Variants in SORCS2 observed in about 807,000 individuals in gnomAD.
The protein encoded by SORCS2 is VPS10 domain-containing receptor SorCS2.
In SORCS2, 100 loss-of-function variants were observed where a neutral mutation model predicts 141.6. That is an observed-to-expected ratio of 0.71 (90% CI 0.60 to 0.83). The LOEUF is 0.83. SORCS2 is among the 40% of genes least tolerant of loss of function. The probability of loss-of-function intolerance (pLI) is 0.00; values close to 1 mark genes in which losing one functional copy is unlikely to be tolerated. For missense variants in SORCS2, 1,646 were observed against 1,560.2 expected, an observed-to-expected ratio of 1.05 and a Z score of -0.93; for synonymous variants, 789 against 676.9, an observed-to-expected ratio of 1.17 and a Z score of -2.57.
At position 7,727,888 on chromosome 4, in the gene SORCS2, A is replaced by G. The variant is rs149670874; in HGVS notation, c.2870-462A>G. 3.1e-3 allele frequency among the ~76,000 whole-genome samples: 466 copies of G among 152,314 alleles called. 4 individuals are homozygous for G. Among genetic ancestry groups the G allele is most frequent in the Middle Eastern group, 0.024 (7 of 294 alleles). ...AGAAGAAGACAGGGCCTCTGCTCTCAAGGGACTCTTAATCTGGTGGGAGGA... is the reference window on the plus strand; with the variant it reads ...AGAAGAAGACAGGGCCTCTGCTCTCGAGGGACTCTTAATCTGGTGGGAGGA... On this transcript the variant is annotated intron_variant, in intron 21 of 26. Coordinates refer to ENST00000507866, the MANE Select transcript of SORCS2 (RefSeq NM_020777.3).
At chr4:7,727,038 G>A (rs1489933430) in intron 21 of SORCS2, 135 bp downstream of exon 21, 4 of 1,150,100 alleles carry the variant, frequency 3.5e-6, no homozygotes, top group African/African-American at 3.2e-5. Flanking sequence ...GGGAGGGGCT[G>A]GATAAACAGA....
intron 10 of SORCS2, among the ~76,000 whole-genome samples, chr4:7,683,164 C>T (rs976210501): frequency 5.9e-5 from 9 of 152,376 alleles, no homozygotes; most frequent in African/African-American, 2.2e-4. Flanking sequence ...CCCAGATCTA[C>T]AGGTGGGCTC....
intron 1 of SORCS2, among the ~76,000 whole-genome samples, chr4:7,265,227 T>C (rs1270191364): frequency 6.6e-6 from 1 of 152,130 alleles, no homozygotes; most frequent in African/African-American, 2.4e-5. Context: ...GCACGATGGC[T>C]CATGTCTGTA....
chr4:7,371,778 G>A lies in SORCS2; in HGVS notation c.481-24510G>A, dbSNP rs545030376. On this transcript the variant is annotated intron_variant, in intron 1 of 26. Transcript: ENST00000507866. ...GGGAGCTGAGCTTTGGTGTCAGCTC[G>A]CTGTGGGTCCCTCAGTAGCTGCACG... Among the ~76,000 whole-genome samples, 12 of 152,308 alleles carry A rather than the reference G, an allele frequency of 7.9e-5. No individual in the cohort carries two copies. In the South Asian group the frequency reaches 2.1e-3, roughly 26 times the overall value.
At chr4:7,595,272 C>T (rs932995008) in intron 3 of SORCS2, among the ~76,000 whole-genome samples, 1 of 152,214 alleles carries the variant, frequency 6.6e-6, no homozygotes, top group Non-Finnish European at 1.5e-5. Flanking sequence ...CACATCCTCT[C>T]CAGCCGTGCC....
intron 3 of SORCS2, among the ~76,000 whole-genome samples, chr4:7,564,265 C>T (rs1033711811): frequency 2.8e-4 from 42 of 152,358 alleles, no homozygotes; most frequent in African/African-American, 8.4e-4. Flanking sequence ...TCTCCAGCCA[C>T]GCTGCCCCTG....
rs74756410 is a variant in SORCS2 at position 7,663,258 on chromosome 4, ATAAG to A, written c.953-1093_953-1090del. On this transcript the variant is annotated intron_variant, in intron 6 of 26. Coordinates refer to ENST00000507866, the MANE Select transcript of SORCS2 (RefSeq NM_020777.3). This position sits in a 1 kb window ranked among gnomAD's most constrained non-coding sequence, Gnocchi z 4.8. ...GAATAAGTGAGTGAGTGAAGAGTGA[ATAAG>A]TGAGTGAGTGAATGAATAAGTGAGT... Among the ~76,000 whole-genome samples, 2,449 of 151,388 alleles carry A rather than the reference ATAAG, an allele frequency of 0.016. 32 individuals are homozygous for A. Among genetic ancestry groups the A allele is most frequent in the Middle Eastern group, 0.041 (12 of 292 alleles).
chr4:7,579,355 C>A (rs1341262226), intron 3 of SORCS2, among the ~76,000 whole-genome samples: 2 of 152,088 alleles, frequency 1.3e-5, no homozygotes. Flanking sequence ...CCACACCCAC[C>A]CGTGTGTGTG....
chr4:7,348,920 C>T (rs1470375938), intron 1 of SORCS2, among the ~76,000 whole-genome samples: 5 of 152,168 alleles, frequency 3.3e-5, no homozygotes, highest in Admixed American at 1.3e-4. Flanking sequence ...ATCATGTGAG[C>T]GGCCTCACTT....
Position 7,531,670 on chromosome 4 carries a change from C to A in SORCS2, c.648+41C>A, listed in dbSNP as rs745758812. The A allele has an allele frequency of 1.8e-5, 29 of 1,574,566 alleles. No homozygotes were observed. The Admixed American group carries it at 4.9e-4, about 27-fold the overall frequency. ...GGGTGGCCGCCACTCTGGCTCTCGCCTTGTGCCGCTCACTCTGCAGAGCAA... is the reference window on the plus strand; with the variant it reads ...GGGTGGCCGCCACTCTGGCTCTCGCATTGTGCCGCTCACTCTGCAGAGCAA... On this transcript the variant is annotated intron_variant, in intron 3 of 26. Coordinates refer to ENST00000507866, the MANE Select transcript of SORCS2 (RefSeq NM_020777.3).
rs759412218 is a variant in SORCS2, at chr4:7,625,477, C to G, written c.649-12851C>G. On this transcript the variant is annotated intron_variant, in intron 3 of 26. Coordinates refer to ENST00000507866, the MANE Select transcript of SORCS2 (RefSeq NM_020777.3). ...AGTGCCTAGCACAGAGCCAGGCACA[C>G]AGTCACCGTCTCTCAACCCACTAGA... Among the ~76,000 whole-genome samples, 6 of 151,906 alleles carry G rather than the reference C, an allele frequency of 3.9e-5. No homozygotes were observed. The South Asian group carries it at 1.2e-3, about 32-fold the overall frequency.
chr4:7,197,938 G>C (rs983841395), intron 1 of SORCS2, among the ~76,000 whole-genome samples: 11 of 152,212 alleles, frequency 7.2e-5, no homozygotes, highest in African/African-American at 2.4e-4. Flanking sequence ...AAGGCTCATA[G>C]GTTTGTGGTG....
intron 11 of SORCS2, among the ~76,000 whole-genome samples, chr4:7,693,868 G>C (rs2108993455): frequency 1.3e-5 from 2 of 152,354 alleles, no homozygotes; most frequent in South Asian, 4.1e-4. Flanking sequence ...AAGCCCTTGG[G>C]CCTGGCTGAG....
At chr4:7,619,152 C>T (rs544840493) in intron 3 of SORCS2, among the ~76,000 whole-genome samples, 4 of 152,280 alleles carry the variant, frequency 2.6e-5, no homozygotes, top group South Asian at 2.1e-4. Context: ...GGGTCAGCTA[C>T]GAGGGTTCAT....
intron 10 of SORCS2, among the ~76,000 whole-genome samples, chr4:7,683,240 C>G (rs80279519): frequency 2.4e-5 from 2 of 81,984 alleles, no homozygotes; most frequent in Middle Eastern, 5.6e-3. Flanking sequence ...TGGCTGGGAT[C>G]AGCTGAGCGG....
intron 2 of SORCS2, among the ~76,000 whole-genome samples, chr4:7,403,983 A>ATTTTTTTTTTTTT (rs1724777043): frequency 4.9e-5 from 1 of 20,226 alleles, no homozygotes; most frequent in Non-Finnish European, 1.1e-4. Flanking sequence ...ATATATATAT[A>ATTTTTTTTTTTTT]TATATATATA....
intron 5 of SORCS2, 40 bp from the exon 6 acceptor site, chr4:7,661,460 G>A: frequency 6.5e-7 from 1 of 1,548,138 alleles, no homozygotes; most frequent in Non-Finnish European, 8.7e-7. Context: ...CGGGCATGGT[G>A]ACTCCATTCC....
intron 3 of SORCS2, among the ~76,000 whole-genome samples, chr4:7,582,175 G>A (rs1299028685): frequency 6.6e-6 from 1 of 152,164 alleles, no homozygotes; most frequent in African/African-American, 2.4e-5. Flanking sequence ...TTGAAATGAA[G>A]GCGTTATTAT....
chr4:7,551,019 G>A lies in SORCS2; in HGVS notation c.648+19390G>A, dbSNP rs186970990. ...TACTGCACAAAAGGGTGCAGTGACCGCTAGTGCCTTGGCCTGATCTTTCCT... is the reference window on the plus strand; with the variant it reads ...TACTGCACAAAAGGGTGCAGTGACCACTAGTGCCTTGGCCTGATCTTTCCT... On this transcript the variant is annotated intron_variant, in intron 3 of 26. Coordinates refer to ENST00000507866, the MANE Select transcript of SORCS2 (RefSeq NM_020777.3). Among the ~76,000 whole-genome samples the A allele has an allele frequency of 8.3e-4, 126 of 152,306 alleles. 2 individuals are homozygous for A. Among genetic ancestry groups the A allele is most frequent in the Middle Eastern group, 3.4e-3 (1 of 294 alleles).
Sources: allele counts gnomAD v4.1 joint callset (sites outside exome capture counted in the v4.1 genomes callset), GRCh38; gene constraint gnomAD v4.1.1; non-coding constraint Gnocchi (gnomAD v3.1); transcripts MANE v1.5; gene names NCBI Gene and HGNC (gene_info 2026-07-23, HGNC 2026-07-21).